Variants in ALDH1L2 observed in about 807,000 individuals in gnomAD.
The protein encoded by ALDH1L2 is aldehyde dehydrogenase 1 family member L2.
ALDH1L2 carries 91 observed loss-of-function variants against 111.0 expected under a neutral mutation model. That is an observed-to-expected ratio of 0.82 (90% CI 0.69 to 0.98). The LOEUF is 0.98. Ranked by LOEUF, ALDH1L2 falls within the 50% of genes least tolerant of loss-of-function variation. ALDH1L2 has a pLI of 0.00. For synonymous variants in ALDH1L2, 374 were observed against 392.6 expected (o/e 0.95, Z 0.56); for missense variants, 995 against 1,126.8 (o/e 0.88, Z 1.67).
intron 17 of ALDH1L2, 142 bp downstream of exon 17, chr12:105,039,571 T>G (rs1283647823): frequency 1.6e-6 from 1 of 609,900 alleles, no homozygotes; most frequent in African/African-American, 1.9e-5. Flanking sequence ...TGTATTCAAA[T>G]ATTTCAATAC....
At chr12:105,056,556 T>C (rs936838980) in intron 10 of ALDH1L2, among the ~76,000 whole-genome samples, 1 of 151,752 alleles carries the variant, frequency 6.6e-6, no homozygotes, top group African/African-American at 2.4e-5. Context: ...AAAATACAAC[T>C]TCATAAAGCA....
In ALDH1L2 at chr12:105,060,770, G is replaced by GCCGAGATC. The variant is rs1445961544; in HGVS notation, c.1139+203_1139+210dup. 1.4e-5 allele frequency: 4 copies of GCCGAGATC among 281,374 alleles called. No homozygotes were observed. In the East Asian group the frequency reaches 2.8e-4, roughly 20 times the overall value. 17.4% of individuals were successfully genotyped at this position (281,374 alleles called of 1,614,324 possible). ...ACCTGGGAGGCGGAGGTTGCGGTGA[G>GCCGAGATC]CCGAGATCGCACCATTGCACTCCAG... On this transcript the variant is annotated intron_variant, in intron 9 of 22. Transcript: ENST00000258494.
chr12:105,052,095 C>T lies in ALDH1L2; in HGVS notation c.1530G>A (p.Met510Ile), dbSNP rs575488780. 4 of 1,601,148 alleles carry T rather than the reference C, an allele frequency of 2.5e-6. No homozygotes were observed. Among genetic ancestry groups the T allele is most frequent in the African/African-American group, 1.3e-5 (1 of 74,208 alleles). The change falls in exon 12 of 23, where the codon ATG becomes ATA. Residue 510 changes from methionine to isoleucine, a missense_variant. Coordinates refer to ENST00000258494, the MANE Select transcript of ALDH1L2 (RefSeq NM_001034173.4). ...AAAATAAAAAATAGAAATACCTATA[C>T]ATCAATCTTCCTCTTTCTCTTGCAT... is the stretch of plus-strand genomic sequence containing the variant. ...RMNARERGRL[M>I]YRLADLLEEN...
intron 9 of ALDH1L2, among the ~76,000 whole-genome samples, chr12:105,059,216 A>G (rs1478251262): frequency 6.6e-6 from 1 of 151,612 alleles, no homozygotes; most frequent in East Asian, 1.9e-4. Context: ...GCAGTGAGCC[A>G]AGATTGCGCC....
At chr12:105,035,690 T>C (rs1421747343) in intron 18 of ALDH1L2, among the ~76,000 whole-genome samples, 2 of 151,814 alleles carry the variant, frequency 1.3e-5, no homozygotes, top group Non-Finnish European at 2.9e-5. Context: ...AACAAGAAGT[T>C]TGAGAAATCT....
intron 15 of ALDH1L2, among the ~76,000 whole-genome samples, chr12:105,045,612 A>G (rs553701593): frequency 2.6e-5 from 4 of 152,270 alleles, no homozygotes; most frequent in South Asian, 2.1e-4. Flanking sequence ...TGGCTGGGGA[A>G]TAATGATAGA....
chr12:105,046,605 C>G (rs1875932208), intron 15 of ALDH1L2, 105 bp downstream of exon 15: 5 of 978,826 alleles, frequency 5.1e-6, no homozygotes, highest in Non-Finnish European at 6.0e-6. Flanking sequence ...AGAAAAATGC[C>G]ATACCATCTC....
At chr12:105,060,764 C>T (rs928067951) in intron 9 of ALDH1L2, 13 of 248,758 alleles carry the variant, frequency 5.2e-5, no homozygotes, top group South Asian at 4.2e-4. Context: ...GCGGAGGTTG[C>T]GGTGAGCCGA....
At position 105,042,376 on chromosome 12, in the gene ALDH1L2, T is replaced by C. The variant is rs566387990; in HGVS notation, c.1864-1682A>G. 8.6e-5 allele frequency among the ~76,000 whole-genome samples: 13 copies of C among 151,486 alleles called. No individual in the cohort carries two copies. In the East Asian group the frequency reaches 2.5e-3, roughly 30 times the overall value. Reference sequence around the variant, plus strand: ...CATGTCCCTATGAAAAAGAAGCCTATTAATTAGAGTTTAATATGTATTTGG... The same window carrying C: ...CATGTCCCTATGAAAAAGAAGCCTACTAATTAGAGTTTAATATGTATTTGG... On this transcript the variant is annotated intron_variant, in intron 15 of 22. Transcript: ENST00000258494.
rs796979100 is a variant in ALDH1L2 at position 105,078,133 on chromosome 12, G to A, written c.49-4128C>T. ...AGGGGTGTTTTATTTGGCCCACAAA[G>A]CATTTTTAAGAGGACTCTGTTAAGA... On this transcript the variant is annotated intron_variant, in intron 1 of 22. Transcript: ENST00000258494. Among the ~76,000 whole-genome samples the A allele has an allele frequency of 6.6e-5, 10 of 152,194 alleles. No homozygotes were observed. The South Asian group carries it at 1.0e-3, about 16-fold the overall frequency.
At chr12:105,056,457 A>G (rs1230384593) in intron 10 of ALDH1L2, among the ~76,000 whole-genome samples, 7 of 152,160 alleles carry the variant, frequency 4.6e-5, no homozygotes, top group Non-Finnish European at 1.0e-4. Context: ...ACTTGAAAAC[A>G]CATGAAGAAA....
intron 10 of ALDH1L2, among the ~76,000 whole-genome samples, chr12:105,057,206 A>G (rs192415544): frequency 3.8e-4 from 58 of 152,250 alleles, no homozygotes; most frequent in African/African-American, 1.1e-3. Context: ...GAAAACCACA[A>G]TGAGATCCCA....
chr12:105,046,191 C>CTATATATATATATATATA (rs1875862785), intron 15 of ALDH1L2, among the ~76,000 whole-genome samples: 1 of 21,260 alleles, frequency 4.7e-5, no homozygotes, highest in Non-Finnish European at 7.8e-5. Context: ...CTCTCTCTCT[C>CTATATATATATATATATA]TCTATATATA....
chr12:105,061,907 C>T (rs1029258102), intron 7 of ALDH1L2, among the ~76,000 whole-genome samples, 155 bp from the exon 8 acceptor site: 10 of 152,132 alleles, frequency 6.6e-5, no homozygotes, highest in Non-Finnish European at 1.2e-4. Context: ...TGTAAAAGGG[C>T]TGAAATGGCA....
In ALDH1L2 at chr12:105,021,720, G is replaced by C. The variant is rs1270062376; in HGVS notation, c.*2704C>G. ...TTAGCCTAAGGTCTTTCATACAGGA[G>C]GCCCTTAATAAATGGTAGCTGTCAT... On this transcript the variant is annotated 3_prime_UTR_variant, in exon 23 of 23. Transcript: ENST00000258494. The C allele has an allele frequency of 6.6e-6, 1 of 152,128 alleles. No individual in the cohort carries two copies. Among genetic ancestry groups the C allele is most frequent in the Non-Finnish European group, 1.5e-5 (1 of 68,008 alleles). The allele number at this position is 152,128 out of a possible 1,614,324, so 9.4% of individuals were successfully genotyped here.
chr12:105,032,679 A>G (rs1019175422), intron 19 of ALDH1L2, among the ~76,000 whole-genome samples: 12 of 152,216 alleles, frequency 7.9e-5, no homozygotes, highest in Admixed American at 7.9e-4. Flanking sequence ...CAAGTCCTTA[A>G]CCACTATCTA....
intron 18 of ALDH1L2, among the ~76,000 whole-genome samples, chr12:105,036,510 TATTTTATATATATATATATATATATATA>T (rs1181323496): frequency 1.4e-5 from 1 of 71,652 alleles, no homozygotes; most frequent in Admixed American, 2.0e-4. Flanking sequence ...TGTATATATA[TATTTTATATATATATATATATATATATA>T]TATATATATA....
intron 1 of ALDH1L2, among the ~76,000 whole-genome samples, chr12:105,075,854 C>T (rs1393668230): frequency 1.3e-5 from 2 of 152,116 alleles, no homozygotes; most frequent in African/African-American, 2.4e-5. Context: ...GGTGCAATCT[C>T]GGCTCACTGC....
intron 20 of ALDH1L2, among the ~76,000 whole-genome samples, chr12:105,031,016 C>T (rs1377458968): frequency 3.3e-5 from 5 of 152,240 alleles, no homozygotes; most frequent in East Asian, 1.9e-4. Context: ...TTTATGCTAT[C>T]GTCATGTTAA....
Sources: gnomAD v4.1 joint callset for allele counts (sites outside exome capture counted in the v4.1 genomes callset) on GRCh38, gnomAD v4.1.1 for gene constraint, MANE v1.5 for transcripts, NCBI Gene and HGNC (gene_info 2026-07-23, HGNC 2026-07-21) for gene names.